Variants in NRG1 observed in about 807,000 individuals in gnomAD.
The protein encoded by NRG1 is neuregulin 1.
Under a neutral mutation model 63.8 loss-of-function variants are expected in NRG1, and 18 were observed. The observed-to-expected ratio is 0.28, with a 90% CI of 0.19 to 0.42. NRG1 has a LOEUF of 0.42. NRG1 is among the 10% of genes least tolerant of loss of function. NRG1 has a pLI of 1.00. For missense variants in NRG1, 762 were observed against 814.7 expected (o/e 0.94, Z 0.79); for synonymous variants, 302 against 301.3 (o/e 1.00, Z -0.02).
At chr8:32,667,603 C>T (rs1214542186) in intron 5 of NRG1, among the ~76,000 whole-genome samples, 1 of 152,098 alleles carries the variant, frequency 6.6e-6, no homozygotes, top group Non-Finnish European at 1.5e-5. Context: ...AACCCAGCTT[C>T]TAATAGTACT....
chr8:32,622,663 G>A lies in NRG1; in HGVS notation c.502+5778G>A, dbSNP rs1254664607. On this transcript the variant is annotated intron_variant, in intron 5 of 11. Transcript: ENST00000356819. ...ACCCATCTCAGCCTACCAAAGCGTT[G>A]GAATTGCAGGCATAAGCCACCATGC... is the stretch of plus-strand genomic sequence containing the variant. Among the ~76,000 whole-genome samples, 8 of 152,110 alleles carry A rather than the reference G, an allele frequency of 5.3e-5. No homozygotes were observed. In the East Asian group the frequency reaches 1.4e-3, roughly 26 times the overall value.
intron 1 of NRG1, among the ~76,000 whole-genome samples, chr8:31,971,694 A>G (rs1379710224): frequency 1.3e-5 from 2 of 152,162 alleles, no homozygotes; most frequent in African/African-American, 4.8e-5. Flanking sequence ...AAGAAAAAGA[A>G]AAAAACTGAT....
At chr8:32,008,477 GC>G (rs1297996830) in intron 1 of NRG1, among the ~76,000 whole-genome samples, 1 of 151,976 alleles carries the variant, frequency 6.6e-6, no homozygotes, top group Non-Finnish European at 1.5e-5. Context: ...GCTTTAATCT[GC>G]CTAGTTCGGT....
At chr8:31,771,263 G>T (rs1818597182) in intron 1 of NRG1, among the ~76,000 whole-genome samples, 1 of 152,240 alleles carries the variant, frequency 6.6e-6, no homozygotes, top group South Asian at 2.1e-4. Flanking sequence ...TTTTGAGATT[G>T]ACTTTTTTTC....
intron 1 of NRG1, among the ~76,000 whole-genome samples, chr8:31,861,373 C>T (rs2129610439): frequency 1.3e-5 from 2 of 152,256 alleles, no homozygotes; most frequent in Admixed American, 1.3e-4. Context: ...AACATTCCTA[C>T]ACTTGAGGCA....
intron 1 of NRG1, among the ~76,000 whole-genome samples, chr8:32,126,331 G>A (rs1834061518): frequency 6.6e-6 from 1 of 151,796 alleles, no homozygotes; most frequent in African/African-American, 2.4e-5. Context: ...TGACTTTAGG[G>A]GCTGGAAAGC....
chr8:32,279,660 A>C (rs1272027675), intron 1 of NRG1, among the ~76,000 whole-genome samples: 1 of 152,192 alleles, frequency 6.6e-6, no homozygotes, highest in Non-Finnish European at 1.5e-5. Flanking sequence ...CAAGGCTCAG[A>C]AAGTTTAAGT....
intron 1 of NRG1, among the ~76,000 whole-genome samples, chr8:32,478,120 AAAC>A (rs767759989): frequency 1.3e-5 from 2 of 152,276 alleles, no homozygotes; most frequent in Non-Finnish European, 1.5e-5. Context: ...ATGAGAAATA[AAAC>A]AACAATACCA....
chr8:32,482,627 T>C (rs1003735347), intron 1 of NRG1, among the ~76,000 whole-genome samples: 2 of 152,120 alleles, frequency 1.3e-5, no homozygotes, highest in African/African-American at 4.8e-5. Context: ...CCAAGGACTA[T>C]GGGGTGCTCT....
At chr8:32,376,855 CA>C (rs1031952696) in intron 1 of NRG1, among the ~76,000 whole-genome samples, 2 of 152,024 alleles carry the variant, frequency 1.3e-5, no homozygotes, top group South Asian at 2.1e-4. Context: ...CCACTTAAAA[CA>C]AAAAAAGTCC....
Position 32,516,574 on chromosome 8 carries a change from C to A in NRG1, c.38-79254C>A, listed in dbSNP as rs368582569. 1.3e-3 allele frequency among the ~76,000 whole-genome samples: 203 copies of A among 152,170 alleles called. 1 individual carries two copies. Among genetic ancestry groups the A allele is most frequent in the African/African-American group, 4.4e-3 (183 of 41,534 alleles). ...CAATCCATGAACATGGAATGTTTTT[C>A]CATTTGCTTGTGTCATCTGTTTGTT... On this transcript the variant is annotated intron_variant, in intron 1 of 10. Transcript: ENST00000519301.
At chr8:32,334,219 A>G (rs1000931726) in intron 1 of NRG1, among the ~76,000 whole-genome samples, 3 of 152,172 alleles carry the variant, frequency 2.0e-5, no homozygotes, top group African/African-American at 7.2e-5. Flanking sequence ...GCATGGAGAA[A>G]GTGCTCAAAA....
At chr8:32,148,219 C>T (rs959037614) in intron 1 of NRG1, among the ~76,000 whole-genome samples, 3 of 152,028 alleles carry the variant, frequency 2.0e-5, no homozygotes, top group Admixed American at 6.6e-5. Context: ...CAGAGACAGA[C>T]GAAATAATTT....
At chr8:32,695,388 G>T (rs1813013152) in intron 5 of NRG1, among the ~76,000 whole-genome samples, 1 of 151,242 alleles carries the variant, frequency 6.6e-6, no homozygotes, top group African/African-American at 2.4e-5. Context: ...AGAGAGAGAG[G>T]AAGGAAGGAA....
chr8:31,754,773 G>A (rs1218857330), intron 1 of NRG1, among the ~76,000 whole-genome samples: 1 of 151,994 alleles, frequency 6.6e-6, no homozygotes, highest in East Asian at 1.9e-4. Context: ...AAGTACAACT[G>A]CTCCTATCTA....
At chr8:31,808,061 G>A (rs1822470720) in intron 1 of NRG1, among the ~76,000 whole-genome samples, 1 of 151,586 alleles carries the variant, frequency 6.6e-6, no homozygotes, top group South Asian at 2.1e-4. Flanking sequence ...CAATGGACAT[G>A]GATTTTTAAG....
At chr8:31,869,755 A>T (rs376556146) in intron 1 of NRG1, among the ~76,000 whole-genome samples, 1 of 152,184 alleles carries the variant, frequency 6.6e-6, no homozygotes, top group Non-Finnish European at 1.5e-5. Flanking sequence ...AAATGATGGA[A>T]TTGTTAAGTT....
intron 1 of NRG1, among the ~76,000 whole-genome samples, chr8:32,260,227 A>T (rs770003903): frequency 2.0e-5 from 3 of 152,234 alleles, no homozygotes; most frequent in Non-Finnish European, 4.4e-5. Flanking sequence ...AAAGCTCTCC[A>T]GTGAAAAGCA....
chr8:31,651,808 G>A (rs1260586409), intron 1 of NRG1, among the ~76,000 whole-genome samples: 4 of 151,762 alleles, frequency 2.6e-5, no homozygotes, highest in Non-Finnish European at 4.4e-5. Flanking sequence ...TCAGTTTAAC[G>A]TCTCCGACCC....
Sources: gnomAD v4.1 joint callset for allele counts (sites outside exome capture counted in the v4.1 genomes callset) on GRCh38, gnomAD v4.1.1 for gene constraint, MANE v1.5 for transcripts, NCBI Gene and HGNC (gene_info 2026-07-23, HGNC 2026-07-21) for gene names.